ABHD8: variants seen among roughly 807,000 people sequenced by gnomAD.
The protein encoded by ABHD8 is protein ABHD8.
Under a neutral mutation model 29.3 loss-of-function variants are expected in ABHD8, and 10 were observed. The ratio of observed to expected loss-of-function variants is 0.34; its 90% confidence interval spans 0.21 to 0.58. ABHD8 has a LOEUF of 0.58. Among genes scored for constraint, ABHD8 ranks in the 20% least tolerant of loss-of-function variants. ABHD8 has a pLI of 0.85. For missense variants in ABHD8, 556 were observed against 615.3 expected (o/e 0.90, Z 1.02); for synonymous variants, 282 against 274.6 (o/e 1.03, Z -0.27).
chr19:17,292,546 C>T lies in ABHD8; in HGVS notation c.*115G>A. The T allele has an allele frequency of 7.8e-7, 1 of 1,275,164 alleles. No individual in the cohort carries two copies. 79.0% of individuals were successfully genotyped at this position (1,275,164 alleles called of 1,614,324 possible). A position where few individuals can be genotyped will look rare whatever the true frequency, so the allele number is the denominator to read the frequency against. On this transcript the variant is annotated 3_prime_UTR_variant, in exon 5 of 5. Transcript: ENST00000247706. ...CTGGGGGCGTCTCCCTGACCTGGCC[C>T]CGCCCACCGGAGCGAACGGCCCGCC... is the stretch of plus-strand genomic sequence containing the variant.
chr19:17,297,550 T>A (rs939797620), intron 2 of ABHD8, among the ~76,000 whole-genome samples: 3 of 152,100 alleles, frequency 2.0e-5, no homozygotes, highest in Admixed American at 6.6e-5. Flanking sequence ...TGCCTCGGCC[T>A]CCAAAAGTTC....
At chr19:17,294,158 C>T in intron 4 of ABHD8, 130 bp downstream of exon 4, 3 of 1,176,050 alleles carry the variant, frequency 2.6e-6, no homozygotes, top group Non-Finnish European at 3.5e-6. Context: ...CCACGCCCAC[C>T]CGGCAGCCAC....
rs889098002 is a variant in ABHD8, at chr19:17,294,506, T to C, written c.933-2A>G. 1 of 1,613,686 alleles carries C rather than the reference T, an allele frequency of 6.2e-7. No individual in the cohort carries two copies. Among genetic ancestry groups the C allele is most frequent in the Non-Finnish European group, 8.5e-7 (1 of 1,179,986 alleles). ...GCTCCTTGGCGGGCGAAGCCGGCCC[T>C]GGTGGTGGTGGAGGCACCGCTAGAG... On this transcript the variant is annotated splice_acceptor_variant, in intron 3 of 4. Transcript: ENST00000247706. LOFTEE classifies it high-confidence loss of function.
Position 17,294,380 on chromosome 19 carries a change from C to A in ABHD8, c.1057G>T (p.Val353Phe). ...SGQYWPEGDE[V>F]YHAELTVPVL... ...GGCACGGTGAGCTCGGCGTGGTAGA[C>A]CTCGTCGCCCTCGGGCCAGTACTGG... The change falls in exon 4 of 5, where the codon GTC (valine) becomes TTC (phenylalanine). Residue 353 changes from valine to phenylalanine, a missense_variant. Around this residue, in one of 2 missense-constraint regions of ABHD8, gnomAD observed 270 missense variants for 353.9 expected, o/e 0.76. Coordinates refer to ENST00000247706, the MANE Select transcript of ABHD8 (RefSeq NM_024527.5). 1 of 1,613,974 alleles carries A rather than the reference C, an allele frequency of 6.2e-7. No individual in the cohort carries two copies. The highest frequency in any genetic ancestry group is 8.5e-7 in the Non-Finnish European group (1 of 1,180,010).
Position 17,292,619 on chromosome 19 carries a change from CT to C in ABHD8, c.*41del, listed in dbSNP as rs768280688. 2 of 1,563,458 alleles carry C rather than the reference CT, an allele frequency of 1.3e-6. No individual in the cohort carries two copies. Among genetic ancestry groups the C allele is most frequent in the Non-Finnish European group, 1.7e-6 (2 of 1,155,830 alleles). Reference sequence around the variant, plus strand: ...TGGCGCAGGCTCGGGCCTCCTCCTGCTGCGGCTGTGCTCACCAAGCGATGCC... The same window carrying C: ...TGGCGCAGGCTCGGGCCTCCTCCTGCGCGGCTGTGCTCACCAAGCGATGCC... On this transcript the variant is annotated 3_prime_UTR_variant, in exon 5 of 5. Transcript: ENST00000247706.
chr19:17,302,052 C>G (rs533046884), intron 1 of ABHD8: 1 of 157,836 alleles, frequency 6.3e-6, no homozygotes, highest in South Asian at 1.9e-4. Context: ...CTTCGGCCTC[C>G]CAAAGTGCTG....
rs1209716033 is a variant in ABHD8, at chr19:17,294,996, T to C, written c.762-151A>G. The stretch of plus-strand genomic sequence containing the variant: ...TGGAATGCAGTGGCTCCATCTTGGC[T>C]CACTGCAACCTCTGCCTCCCAGGTT... On this transcript the variant is annotated intron_variant, in intron 2 of 4. Coordinates refer to ENST00000247706, the MANE Select transcript of ABHD8 (RefSeq NM_024527.5). The C allele has an allele frequency of 8.7e-6, 8 of 919,826 alleles. No individual in the cohort carries two copies. The African/African-American group carries it at 1.3e-4, about 15-fold the overall frequency. The allele number at this position is 919,826 out of a possible 1,614,324, so 57.0% of individuals were successfully genotyped here. A position where few individuals can be genotyped will look rare whatever the true frequency, so the allele number is the denominator to read the frequency against.
At chr19:17,292,917 G>C in intron 4 of ABHD8, 86 bp from the exon 5 acceptor site, 1 of 1,423,086 alleles carries the variant, frequency 7.0e-7, no homozygotes, top group Non-Finnish European at 9.5e-7. Flanking sequence ...ATACACACAT[G>C]GCCCACAGCA....
chr19:17,300,831 A>G (rs202211622), intron 2 of ABHD8, 25 bp downstream of exon 2: 2 of 1,561,240 alleles, frequency 1.3e-6, no homozygotes, highest in African/African-American at 1.4e-5. Context: ...CCTCACCCCC[A>G]CCCCACATGC....
chr19:17,296,158 A>G (rs2145653803), intron 2 of ABHD8: 1 of 152,312 alleles, frequency 6.6e-6, no homozygotes, highest in Middle Eastern at 3.4e-3. Context: ...AGTGTTGAGG[A>G]TGGAACTTAT....
At position 17,301,536 on chromosome 19, in the gene ABHD8, G is replaced by A. The variant is rs1164510718; in HGVS notation, c.81C>T (p.Val27=). ...CAAAGGTGTAGCCATCGCTGGACTC[G>A]ACGCTCTCCAGTGGCCCCACGGCGT... The part of the protein sequence containing the change: ...PPNAVGPLES[V]ESSDGYTFVE... The change falls in exon 2 of 5, where the codon GTC becomes GTT. Residue 27 remains valine, a synonymous_variant. Transcript: ENST00000247706. 4 of 1,609,866 alleles carry A rather than the reference G, an allele frequency of 2.5e-6. No homozygotes were observed. The highest frequency in any genetic ancestry group is 4.5e-5 in the East Asian group (2 of 44,814).
At chr19:17,295,257 C>T (rs965751955) in intron 2 of ABHD8, among the ~76,000 whole-genome samples, 23 of 152,040 alleles carry the variant, frequency 1.5e-4, no homozygotes, top group African/African-American at 2.7e-4. Flanking sequence ...AGGCGCCCGC[C>T]ACCGCGCCCG....
intron 4 of ABHD8, 131 bp from the exon 5 acceptor site, chr19:17,292,962 C>T (rs944317871): frequency 8.8e-6 from 9 of 1,018,190 alleles, no homozygotes; most frequent in Non-Finnish European, 1.2e-5. Flanking sequence ...CCCTGCATCT[C>T]TCCACTTCCA....
At position 17,292,560 on chromosome 19, in the gene ABHD8, G is replaced by A. The variant is rs2074075397; in HGVS notation, c.*101C>T. The A allele has an allele frequency of 7.5e-7, 1 of 1,333,566 alleles. No homozygotes were observed. Among genetic ancestry groups the A allele is most frequent in the Middle Eastern group, 2.7e-4 (1 of 3,662 alleles). 82.6% of individuals were successfully genotyped at this position (1,333,566 alleles called of 1,614,324 possible). ...CTGACCTGGCCCCGCCCACCGGAGC[G>A]AACGGCCCGCCCAGGTGGTCTGCGC... is the stretch of plus-strand genomic sequence containing the variant. On this transcript the variant is annotated 3_prime_UTR_variant, in exon 5 of 5. Transcript: ENST00000247706.
Position 17,292,201 on chromosome 19 carries a change from C to CATTAA in ABHD8, c.*459_*460insTTAAT. ...GGTTCGGTGGCGCCAGCCCCCCCAT[C>CATTAA]CCCCCCCCTTGGGCAAAAATAGCTC... On this transcript the variant is annotated 3_prime_UTR_variant, in exon 5 of 5. Coordinates refer to ENST00000247706, the MANE Select transcript of ABHD8 (RefSeq NM_024527.5). 6.4e-6 allele frequency: 1 copy of CATTAA among 157,072 alleles called. No individual in the cohort carries two copies. Among genetic ancestry groups the CATTAA allele is most frequent in the Non-Finnish European group, 1.3e-5 (1 of 79,056 alleles). The allele number at this position is 157,072 out of a possible 1,614,324, so 9.7% of individuals were successfully genotyped here. A position where few individuals can be genotyped will look rare whatever the true frequency, so the allele number is the denominator to read the frequency against.
intron 1 of ABHD8, among the ~76,000 whole-genome samples, chr19:17,301,881 C>T (rs926874463): frequency 2.6e-5 from 4 of 152,000 alleles, no homozygotes; most frequent in East Asian, 1.9e-4. Flanking sequence ...GCAACCTCCC[C>T]CTCCTGGGTT....
In ABHD8 at chr19:17,300,935, A is replaced by G. The variant is rs750203612; in HGVS notation, c.682T>C (p.Tyr228His). The part of the protein sequence containing the change: ...APQVAAAYTF[Y>H]ALAEDMRAIF... ...GCTCGCATGTCCTCAGCCAGCGCAT[A>G]GAAGGTGTAGGCTGCGGCCACCTGG... The change falls in exon 2 of 5, where the codon TAT becomes CAT. Residue 228 changes from tyrosine (Y) to histidine (H), a missense_variant. This residue lies in a region of ABHD8 where 270 missense variants were observed against 353.9 expected (regional missense o/e 0.76). Coordinates refer to ENST00000247706, the MANE Select transcript of ABHD8 (RefSeq NM_024527.5). The G allele has an allele frequency of 1.2e-6, 2 of 1,613,288 alleles. No individual in the cohort carries two copies. Among genetic ancestry groups the G allele is most frequent in the South Asian group, 1.1e-5 (1 of 91,064 alleles).
In ABHD8 at chr19:17,292,652, G is replaced by A; in HGVS notation, c.*9C>T. On this transcript the variant is annotated 3_prime_UTR_variant, in exon 5 of 5. Transcript: ENST00000247706. ...GTGCTCACCAAGCGATGCCCCGCCG[G>A]CCCAGCGGCTACTTCTTGTCTTCTG... 1.9e-6 allele frequency: 3 copies of A among 1,603,978 alleles called. No individual in the cohort carries two copies. The highest frequency in any genetic ancestry group is 2.6e-6 in the Non-Finnish European group (3 of 1,175,602).
At position 17,294,408 on chromosome 19, in the gene ABHD8, G is replaced by T; in HGVS notation, c.1029C>A (p.Ser343Arg). The T allele has an allele frequency of 1.2e-6, 2 of 1,614,074 alleles. No individual in the cohort carries two copies. The highest frequency in any genetic ancestry group is 1.7e-6 in the Non-Finnish European group (2 of 1,180,014). Residue 343 changes from serine (S) to arginine (R), a missense_variant, in exon 4 of 5, where the codon AGC becomes AGA. Around this residue, in one of 2 missense-constraint regions of ABHD8, gnomAD observed 270 missense variants for 353.9 expected, o/e 0.76. Coordinates refer to ENST00000247706, the MANE Select transcript of ABHD8 (RefSeq NM_024527.5). Reference sequence around the variant, plus strand: ...CGTCGCCCTCGGGCCAGTACTGGCCGCTCATCATGGCCCGGAGTACGAAGG... The same window carrying T: ...CGTCGCCCTCGGGCCAGTACTGGCCTCTCATCATGGCCCGGAGTACGAAGG... The part of the protein sequence containing the change: ...VSSFVLRAMM[S>R]GQYWPEGDEV...
Sources: gnomAD v4.1 joint callset for allele counts (sites outside exome capture counted in the v4.1 genomes callset) on GRCh38, gnomAD v4.1.1 for gene constraint, gnomAD v4.1.1 regional missense constraint, MANE v1.5 for transcripts, NCBI Gene and HGNC (gene_info 2026-07-23, HGNC 2026-07-21) for gene names.